KCNN2: variants seen among roughly 807,000 people sequenced by gnomAD.
KCNN2 encodes small conductance calcium-activated potassium channel protein 2.
Under a neutral mutation model 55.5 loss-of-function variants are expected in KCNN2, and 24 were observed. That is an observed-to-expected ratio of 0.43 (90% CI 0.31 to 0.61). KCNN2 has a LOEUF of 0.61. KCNN2 is among the 20% of genes least tolerant of loss of function. The pLI is 0.08. For missense variants in KCNN2, 754 were observed against 853.6 expected (o/e 0.88, Z 1.45); for synonymous variants, 431 against 336.1 (o/e 1.28, Z -3.09).
rs561293191 is a variant in KCNN2, at chr5:114,316,707, A to T, written c.-184-44238A>T. Reference sequence around the variant, plus strand: ...GTAACCCAATCAGTCATATTACAAAACCATATCTCTAAATCATTAATACAT... The same window carrying T: ...GTAACCCAATCAGTCATATTACAAATCCATATCTCTAAATCATTAATACAT... On this transcript the variant is annotated intron_variant, in intron 2 of 10. Transcript: ENST00000512097. Among the ~76,000 whole-genome samples, 4 of 152,172 alleles carry T rather than the reference A, an allele frequency of 2.6e-5. No homozygotes were observed. In the South Asian group the frequency reaches 8.3e-4, roughly 31 times the overall value.
intron 1 of KCNN2, among the ~76,000 whole-genome samples, chr5:114,212,889 T>C (rs530357915): frequency 6.6e-6 from 1 of 152,050 alleles, no homozygotes; most frequent in Non-Finnish European, 1.5e-5. Context: ...CGATAAATTA[T>C]GTGAATGTTT....
At chr5:114,345,045 G>C (rs1258352635) in intron 2 of KCNN2, among the ~76,000 whole-genome samples, 1 of 152,046 alleles carries the variant, frequency 6.6e-6, no homozygotes, top group Non-Finnish European at 1.5e-5. Context: ...AGCATTTTTT[G>C]TTCTGCAAAA....
At chr5:114,426,280 C>CT (rs1759621841) in intron 3 of KCNN2, among the ~76,000 whole-genome samples, 1 of 152,210 alleles carries the variant, frequency 6.6e-6, no homozygotes, top group African/African-American at 2.4e-5. Flanking sequence ...TTTCTTGTGT[C>CT]TATCAAGATG....
At chr5:114,337,851 A>C (rs1425356150) in intron 2 of KCNN2, among the ~76,000 whole-genome samples, 1 of 152,212 alleles carries the variant, frequency 6.6e-6, no homozygotes, top group Non-Finnish European at 1.5e-5. Context: ...CTCACATATT[A>C]AAAGTTTTTA....
At chr5:114,472,239 TCTTTC>T (rs66595817) in intron 4 of KCNN2, among the ~76,000 whole-genome samples, 55,308 of 151,708 alleles carry the variant, frequency 0.36, 11,389 homozygotes, top group Middle Eastern at 0.47. Flanking sequence ...TAGTTGCTCG[TCTTTC>T]AGCACAGAAG....
At chr5:114,174,366 A>G (rs182521208) in intron 1 of KCNN2, among the ~76,000 whole-genome samples, 3 of 152,218 alleles carry the variant, frequency 2.0e-5, no homozygotes, top group African/African-American at 4.8e-5. Flanking sequence ...AAACAGACCT[A>G]CTGCAGATGG....
At chr5:114,162,416 G>T (rs533016068) in intron 1 of KCNN2, among the ~76,000 whole-genome samples, 257 of 152,278 alleles carry the variant, frequency 1.7e-3, no homozygotes, top group Non-Finnish European at 2.9e-3. Context: ...GCCCCTACTG[G>T]GGGGTGCCTC....
chr5:114,490,700 G>GT, intron 6 of KCNN2: 1 of 398,150 alleles, frequency 2.5e-6, no homozygotes. Flanking sequence ...GAGCTCGGAA[G>GT]TAAGTTGTGT....
intron 2 of KCNN2, among the ~76,000 whole-genome samples, chr5:114,320,722 G>C (rs1397348256): frequency 6.6e-6 from 1 of 152,098 alleles, no homozygotes; most frequent in Non-Finnish European, 1.5e-5. Flanking sequence ...TGCATGGTTT[G>C]TTCCTCTCCA....
At chr5:114,161,661 T>G (rs1194770231) in intron 1 of KCNN2, among the ~76,000 whole-genome samples, 1 of 152,236 alleles carries the variant, frequency 6.6e-6, no homozygotes, top group Non-Finnish European at 1.5e-5. Flanking sequence ...GATTTGGTCT[T>G]TTCACATAGT....
rs368363973 is a variant in KCNN2, at chr5:114,461,108, C to T, written c.1638-1941C>T. On this transcript the variant is annotated intron_variant, in intron 3 of 7. Coordinates refer to ENST00000673685, the MANE Select transcript of KCNN2 (RefSeq NM_021614.4). ...ACGTCCTCCCATTGAAGCTCTGTTA[C>T]ATACGCATAGCAGGCTCCCAGAGCA... Among the ~76,000 whole-genome samples, 6 of 152,164 alleles carry T rather than the reference C, an allele frequency of 3.9e-5. No homozygotes were observed. The East Asian group carries it at 1.2e-3, about 29-fold the overall frequency.
chr5:114,451,693 A>C (rs564463931), intron 3 of KCNN2, among the ~76,000 whole-genome samples: 4 of 152,052 alleles, frequency 2.6e-5, no homozygotes, highest in Non-Finnish European at 4.4e-5. Context: ...TCAGGAGATC[A>C]AGACCATCCT....
chr5:114,062,527 A>T (rs1341491938), intron 1 of KCNN2, among the ~76,000 whole-genome samples: 2 of 152,204 alleles, frequency 1.3e-5, no homozygotes, highest in Non-Finnish European at 2.9e-5. Flanking sequence ...GTGAGTTTTG[A>T]AGAGGGCCTT....
intron 1 of KCNN2, among the ~76,000 whole-genome samples, chr5:114,178,199 T>G (rs1391844558): frequency 1.3e-5 from 2 of 152,210 alleles, no homozygotes; most frequent in Non-Finnish European, 2.9e-5. Context: ...GACTTCCCAC[T>G]GCATGTGTAT....
At chr5:114,379,598 A>G (rs1758048321) in intron 2 of KCNN2, among the ~76,000 whole-genome samples, 1 of 86,878 alleles carries the variant, frequency 1.2e-5, no homozygotes, top group Non-Finnish European at 2.0e-5. Context: ...ATAACATATT[A>G]TATATTTTAG....
intron 2 of KCNN2, among the ~76,000 whole-genome samples, chr5:114,275,192 T>C (rs187450802): frequency 3.3e-5 from 5 of 152,296 alleles, no homozygotes; most frequent in Admixed American, 2.6e-4. Flanking sequence ...GCTGACTTGA[T>C]CGTGGTGGAT....
chr5:114,140,660 GT>G (rs1261506174), intron 1 of KCNN2, among the ~76,000 whole-genome samples: 2 of 151,186 alleles, frequency 1.3e-5, no homozygotes, highest in Admixed American at 6.6e-5. Context: ...TTAGGATTTG[GT>G]TTTTTTCTAT....
intron 6 of KCNN2, among the ~76,000 whole-genome samples, chr5:114,488,346 T>C (rs1349309735): frequency 6.6e-6 from 1 of 152,152 alleles, no homozygotes; most frequent in African/African-American, 2.4e-5. Context: ...CACACTTTCC[T>C]AAGATAGTGA....
intron 3 of KCNN2, among the ~76,000 whole-genome samples, chr5:114,452,966 A>G (rs1290924025): frequency 6.6e-6 from 1 of 152,158 alleles, no homozygotes; most frequent in Non-Finnish European, 1.5e-5. Context: ...CATAGTTGCA[A>G]TTTGGAAGGA....
Sources: gnomAD v4.1 joint callset for allele counts (sites outside exome capture counted in the v4.1 genomes callset) on GRCh38, gnomAD v4.1.1 for gene constraint, MANE v1.5 for transcripts, NCBI Gene and HGNC (gene_info 2026-07-23, HGNC 2026-07-21) for gene names.